CFAP70: variants seen among roughly 807,000 people sequenced by gnomAD.
The protein encoded by CFAP70 is cilia- and flagella-associated protein 70.
A neutral mutation model predicts 137.6 loss-of-function variants in CFAP70; 81 were observed. That is an observed-to-expected ratio of 0.59 (90% CI 0.49 to 0.71). The LOEUF (loss-of-function observed/expected upper bound fraction) is 0.71, where lower values mean the gene tolerates loss of function less well. CFAP70 is among the 30% of genes least tolerant of loss of function. CFAP70 has a pLI of 0.00. For missense variants in CFAP70, 976 were observed against 1,226.7 expected (o/e 0.80, Z 3.05); for synonymous variants, 382 against 423.6 (o/e 0.90, Z 1.20).
intron 25 of CFAP70, among the ~76,000 whole-genome samples, chr10:73,267,340 C>T (rs899813603): frequency 6.6e-6 from 1 of 152,196 alleles, no homozygotes; most frequent in Non-Finnish European, 1.5e-5. Context: ...CTACTATAGC[C>T]TTCTATAGGC....
At chr10:73,340,700 G>A (rs1307627280) in intron 6 of CFAP70, among the ~76,000 whole-genome samples, 1 of 152,082 alleles carries the variant, frequency 6.6e-6, no homozygotes, top group African/African-American at 2.4e-5. Context: ...CAAGGTGGCA[G>A]GGGGTTGGTG....
intron 13 of CFAP70, 100 bp downstream of exon 14, chr10:73,299,499 AAGTTTT>A (rs1385464043): frequency 3.8e-5 from 34 of 901,486 alleles, no homozygotes; most frequent in Middle Eastern, 4.5e-4. Flanking sequence ...AGCTTCAAAC[AAGTTTT>A]CACCCCTTCT....
chr10:73,328,740 T>C (rs1259637541), intron 8 of CFAP70, among the ~76,000 whole-genome samples: 2 of 149,524 alleles, frequency 1.3e-5, no homozygotes, highest in East Asian at 4.1e-4. Flanking sequence ...CATGAAAAAA[T>C]GCTCACCATC....
intron 9 of CFAP70, 109 bp from the exon 11 acceptor site, chr10:73,312,752 A>G (rs1387303937): frequency 2.1e-6 from 2 of 973,156 alleles, no homozygotes; most frequent in South Asian, 1.8e-5. Flanking sequence ...TCGACATTTA[A>G]TATCAGAGAG....
At chr10:73,329,549 C>T (rs2051853014) in intron 8 of CFAP70, among the ~76,000 whole-genome samples, 1 of 151,994 alleles carries the variant, frequency 6.6e-6, no homozygotes, top group Non-Finnish European at 1.5e-5. Context: ...ATAGTAAAGG[C>T]AGTAGTTGAA....
At chr10:73,305,077 C>A (rs2049274745) in intron 12 of CFAP70, among the ~76,000 whole-genome samples, 1 of 152,230 alleles carries the variant, frequency 6.6e-6, no homozygotes, top group Non-Finnish European at 1.5e-5. Context: ...GTGTGGCACA[C>A]TGGTCCCTGA....
intron 25 of CFAP70, among the ~76,000 whole-genome samples, 153 bp from the exon 27 acceptor site, chr10:73,256,569 G>A (rs2044517401): frequency 6.6e-6 from 1 of 151,998 alleles, no homozygotes; most frequent in Non-Finnish European, 1.5e-5. Context: ...GGAAAAACTA[G>A]CAAATGAAAG....
chr10:73,346,451 C>G (rs1271983756), intron 4 of CFAP70, among the ~76,000 whole-genome samples: 1 of 151,702 alleles, frequency 6.6e-6, no homozygotes, highest in African/African-American at 2.4e-5. Flanking sequence ...GCCTGGCCAA[C>G]ATGGTGAAAC....
intron 6 of CFAP70, among the ~76,000 whole-genome samples, chr10:73,339,963 C>T (rs1005844404): frequency 1.3e-5 from 2 of 152,244 alleles, no homozygotes; most frequent in East Asian, 1.9e-4. Context: ...TTCAGCCCCA[C>T]CATTCCGCAG....
chr10:73,257,404 C>T (rs2044631820), intron 25 of CFAP70, among the ~76,000 whole-genome samples: 1 of 152,192 alleles, frequency 6.6e-6, no homozygotes. Context: ...TGAAGCACTC[C>T]TCCAGAAGTT....
chr10:73,253,870 G>A, exon 27 of CFAP70: 1 of 855,862 alleles, frequency 1.2e-6, no homozygotes, highest in South Asian at 2.2e-5. Context: ...TCTGTTTATA[G>A]TGAAGATTCT....
intron 19 of CFAP70, among the ~76,000 whole-genome samples, chr10:73,281,498 T>C (rs1008544287): frequency 2.0e-5 from 3 of 152,274 alleles, no homozygotes; most frequent in Non-Finnish European, 1.5e-5. Context: ...TTTTCCTATA[T>C]ATCTAGTGAT....
intron 8 of CFAP70, among the ~76,000 whole-genome samples, chr10:73,329,091 A>C (rs1332788121): frequency 6.6e-6 from 1 of 152,146 alleles, no homozygotes; most frequent in Non-Finnish European, 1.5e-5. Flanking sequence ...GAACCAACCC[A>C]AATGTCCAAC....
intron 25 of CFAP70, among the ~76,000 whole-genome samples, chr10:73,259,760 G>T (rs534890488): frequency 6.6e-6 from 1 of 152,314 alleles, no homozygotes; most frequent in East Asian, 1.9e-4. Context: ...GCTGGGTGCA[G>T]CAGTTCATGC....
At chr10:73,334,014 C>G (rs2052378875) in intron 7 of CFAP70, among the ~76,000 whole-genome samples, 1 of 152,156 alleles carries the variant, frequency 6.6e-6, no homozygotes, top group Non-Finnish European at 1.5e-5. Flanking sequence ...TAAAAACTCT[C>G]TAAAATATCT....
At chr10:73,285,747 G>T (rs2047647972) in intron 19 of CFAP70, among the ~76,000 whole-genome samples, 1 of 150,022 alleles carries the variant, frequency 6.7e-6, no homozygotes, top group Admixed American at 6.8e-5. Context: ...CAATTCTCCT[G>T]CCTCAGGCTG....
At chr10:73,295,928 A>G (rs755421223) in intron 15 of CFAP70, 9 of 152,196 alleles carry the variant, frequency 5.9e-5, no homozygotes, top group Non-Finnish European at 1.2e-4. Context: ...TCAAAAGCGA[A>G]TTCAGTACCA....
intron 8 of CFAP70, among the ~76,000 whole-genome samples, chr10:73,324,670 C>T (rs1158861548): frequency 6.6e-6 from 1 of 152,012 alleles, no homozygotes; most frequent in African/African-American, 2.4e-5. Context: ...AGCCAAGGCT[C>T]GAGAACTACG....
At chr10:73,359,824 A>T (rs921925743), upstream of CFAP70, among the ~76,000 whole-genome samples, 2 of 152,138 alleles carry the variant, frequency 1.3e-5, no homozygotes, top group African/African-American at 4.8e-5. Context: ...AACCAACATG[A>T]TCAGGTGATC....
Sources: gnomAD v4.1 joint callset for allele counts (sites outside exome capture counted in the v4.1 genomes callset) on GRCh38, gnomAD v4.1.1 for gene constraint, MANE v1.5 for transcripts, NCBI Gene and HGNC (gene_info 2026-07-23, HGNC 2026-07-21) for gene names.